Variants in ACOT1 observed in about 807,000 individuals in gnomAD.
ACOT1 encodes acyl-CoA thioesterase 1, also known as acyl-coenzyme A thioesterase 1.
Under a neutral mutation model 15.7 loss-of-function variants are expected in ACOT1, and 8 were observed. The ratio of observed to expected loss-of-function variants is 0.51; its 90% CI spans 0.30 to 0.92. ACOT1 has a LOEUF of 0.92. ACOT1 is among the 40% of genes least tolerant of loss of function. The pLI, the probability that ACOT1 is intolerant of heterozygous loss-of-function variation, is 0.06. For missense variants in ACOT1, 151 were observed against 539.4 expected, an observed-to-expected ratio of 0.28 and a Z score of 7.13; for synonymous variants, 67 against 241.2, an observed-to-expected ratio of 0.28 and a Z score of 6.69.
At chr14:73,492,925 G>A in the ACOT1 span, 9 of 1,613,292 alleles carry the variant, frequency 5.6e-6, no homozygotes, top group South Asian at 9.9e-5. This position sits in a 1 kb window ranked among gnomAD's most constrained non-coding sequence, Gnocchi z 4.9. Flanking sequence ...TCACTAAGAT[G>A]CCTCTAGCCC....
the ACOT1 span, chr14:73,527,127 T>A: frequency 6.6e-6 from 1 of 152,196 alleles, no homozygotes; most frequent in Non-Finnish European, 1.5e-5. Flanking sequence ...ACCGTAGGCT[T>A]AAGTCACAGC....
the ACOT1 span, among the ~76,000 whole-genome samples, chr14:73,504,566 C>T: frequency 6.6e-6 from 1 of 152,096 alleles, no homozygotes; most frequent in African/African-American, 2.4e-5. Flanking sequence ...TAATAATGCT[C>T]CTAGGTGACG....
intron 1 of ACOT1, chr14:73,539,714 A>T (rs550280433): frequency 8.5e-6 from 1 of 117,348 alleles, no homozygotes; most frequent in African/African-American, 2.8e-5. Flanking sequence ...CTGAAGCCCC[A>T]CAGGATGCCG....
chr14:73,517,682 G>A, the ACOT1 span, among the ~76,000 whole-genome samples: 20,417 of 85,526 alleles, frequency 0.24, 1,985 homozygotes, highest in East Asian at 0.48. Context: ...AAAAAAAAAA[G>A]AAGAAGAAAA....
At chr14:73,521,160 T>G in the ACOT1 span, 1 of 810,778 alleles carries the variant, frequency 1.2e-6, no homozygotes, top group South Asian at 1.7e-5. Context: ...ACGTGAGCAT[T>G]GCAGAACACC....
chr14:73,491,379 G>T, the ACOT1 span: 25 of 1,355,770 alleles, frequency 1.8e-5, no homozygotes, highest in Non-Finnish European at 2.4e-5. Flanking sequence ...CCGTCGGCGC[G>T]CCTGGTGCCC....
At chr14:73,508,649 C>T in the ACOT1 span, among the ~76,000 whole-genome samples, 25 of 148,282 alleles carry the variant, frequency 1.7e-4, no homozygotes, top group Admixed American at 2.8e-4. Flanking sequence ...CTTGGGAAGC[C>T]GAGGCAGGAG....
chr14:73,498,729 A>G, the ACOT1 span, among the ~76,000 whole-genome samples: 1 of 152,218 alleles, frequency 6.6e-6, no homozygotes, highest in African/African-American at 2.4e-5. Context: ...AGCAGTCTTG[A>G]AACTGATCTG....
chr14:73,528,124 G>A, the ACOT1 span, among the ~76,000 whole-genome samples: 31 of 151,770 alleles, frequency 2.0e-4, no homozygotes, highest in African/African-American at 7.5e-4. Context: ...GCTATGCGCG[G>A]TGGCTCATGC....
chr14:73,520,065 A>G, the ACOT1 span: 2 of 152,230 alleles, frequency 1.3e-5, no homozygotes, highest in Admixed American at 1.3e-4. Flanking sequence ...CTAGATACTA[A>G]AAAAGAGGCA....
the ACOT1 span, chr14:73,490,989 C>A: frequency 7.5e-7 from 1 of 1,337,246 alleles, no homozygotes; most frequent in South Asian, 2.1e-5. Flanking sequence ...CCCGGCCGGC[C>A]GGGCGGGGAA....
At chr14:73,522,556 G>A in the ACOT1 span, 1 of 1,614,104 alleles carries the variant, frequency 6.2e-7, no homozygotes, top group Non-Finnish European at 8.5e-7. Flanking sequence ...CCCACGCTCT[G>A]GCCTCCTTCT....
At chr14:73,522,493 G>C in the ACOT1 span, 2 of 1,614,224 alleles carry the variant, frequency 1.2e-6, no homozygotes, top group South Asian at 1.1e-5. Flanking sequence ...GAGGACGCTT[G>C]CTCTGGATCC....
At chr14:73,504,039 T>A in the ACOT1 span, among the ~76,000 whole-genome samples, 133 of 152,160 alleles carry the variant, frequency 8.7e-4, no homozygotes, top group Non-Finnish European at 1.6e-3. Flanking sequence ...AGATGCAGAT[T>A]CTGATTGAGC....
At chr14:73,516,895 C>G in the ACOT1 span, among the ~76,000 whole-genome samples, 2 of 152,194 alleles carry the variant, frequency 1.3e-5, no homozygotes, top group Admixed American at 6.5e-5. Context: ...ATCCCCACCC[C>G]GCTGGTCTGT....
the ACOT1 span, among the ~76,000 whole-genome samples, chr14:73,494,967 T>C: frequency 1.3e-5 from 2 of 152,150 alleles, no homozygotes; most frequent in Admixed American, 6.5e-5. Context: ...TTCTGATATG[T>C]CCTTTTTTGA....
At chr14:73,516,147 CAA>C in the ACOT1 span, among the ~76,000 whole-genome samples, 2 of 9,158 alleles carry the variant, frequency 2.2e-4, 1 homozygote, top group Non-Finnish European at 3.1e-4. Context: ...CAACAGTCAT[CAA>C]AAAAAAAAAA....
chr14:73,491,086 G>T, the ACOT1 span: 2 of 1,599,816 alleles, frequency 1.3e-6, no homozygotes, highest in East Asian at 2.3e-5. Flanking sequence ...GCAAGCCCCA[G>T]CCACACAGCG....
At chr14:73,520,704 T>C in the ACOT1 span, 1 of 693,242 alleles carries the variant, frequency 1.4e-6, no homozygotes. Flanking sequence ...ACTCCTGTGC[T>C]AGTGTGGGTG....
Sources: allele counts gnomAD v4.1 joint callset (sites outside exome capture counted in the v4.1 genomes callset), GRCh38; gene constraint gnomAD v4.1.1; non-coding constraint Gnocchi (gnomAD v3.1); transcripts MANE v1.5; gene names NCBI Gene and HGNC (gene_info 2026-07-23, HGNC 2026-07-21).